The following UNC80 variants were observed in gnomAD, a reference collection of about 807,000 sequenced individuals.
UNC80 encodes the protein protein unc-80 homolog.
A neutral mutation model predicts 384.6 loss-of-function variants in UNC80; 164 were observed. The ratio of observed to expected loss-of-function variants is 0.43; its 90% CI spans 0.38 to 0.49. UNC80 has a LOEUF of 0.49. Ranked by LOEUF, UNC80 falls within the 20% of genes least tolerant of loss-of-function variation. The probability of loss-of-function intolerance (pLI) is 0.00; values close to 1 mark genes in which losing one functional copy is unlikely to be tolerated. For missense variants in UNC80, 3,330 were observed against 4,143.0 expected, an observed-to-expected ratio of 0.80 and a Z score of 5.39; for synonymous variants, 1,486 against 1,527.8, an observed-to-expected ratio of 0.97 and a Z score of 0.64.
chr2:209,786,692 C>T (rs191095931), intron 5 of UNC80, among the ~76,000 whole-genome samples: 130 of 152,202 alleles, frequency 8.5e-4, no homozygotes, highest in African/African-American at 3.0e-3. Context: ...AAGAACACAA[C>T]ATCATAGATT....
chr2:209,944,725 A>G (rs938431422), intron 45 of UNC80, among the ~76,000 whole-genome samples: 4 of 152,178 alleles, frequency 2.6e-5, no homozygotes, highest in African/African-American at 7.2e-5. Flanking sequence ...CAACCAATCA[A>G]TTATAGAAAT....
chr2:209,815,843 C>T (rs548097115), intron 9 of UNC80, among the ~76,000 whole-genome samples: 86 of 152,190 alleles, frequency 5.7e-4, no homozygotes, highest in African/African-American at 2.0e-3. Flanking sequence ...AGATTGAGTC[C>T]AAACTCAAAA....
chr2:209,848,943 C>T (rs1391767967), intron 21 of UNC80, among the ~76,000 whole-genome samples: 1 of 152,040 alleles, frequency 6.6e-6, no homozygotes, highest in Non-Finnish European at 1.5e-5. Context: ...CTCCAGTAGC[C>T]AGTGATTCTT....
chr2:209,841,577 C>T (rs1476875349), intron 20 of UNC80, among the ~76,000 whole-genome samples: 1 of 152,076 alleles, frequency 6.6e-6, no homozygotes, highest in Non-Finnish European at 1.5e-5. Context: ...GTCTCGATCT[C>T]TTGATCTCGT....
Position 209,922,510 on chromosome 2 carries a change from TAA to T in UNC80, c.5662+134_5662+135del, listed in dbSNP as rs979224209. On this transcript the variant is annotated intron_variant, in intron 35 of 64. Coordinates refer to ENST00000673920, the MANE Select transcript of UNC80 (RefSeq NM_001371986.1). ...TAACTTGTCTCATGACTTGACATTC[TAA>T]AAAAAATTAGCATGGCATCCTTTAA... 7.6e-6 allele frequency: 9 copies of T among 1,182,282 alleles called. No homozygotes were observed. In the South Asian group the frequency reaches 1.7e-4, roughly 22 times the overall value. The allele number at this position is 1,182,282 out of a possible 1,614,324, so 73.2% of individuals were successfully genotyped here.
chr2:209,943,368 A>G lies in UNC80; in HGVS notation c.6916-12A>G. 1 of 1,551,020 alleles carries G rather than the reference A, an allele frequency of 6.4e-7. No individual in the cohort carries two copies. Among genetic ancestry groups the G allele is most frequent in the Non-Finnish European group, 8.7e-7 (1 of 1,146,650 alleles). On this transcript the variant is annotated splice_polypyrimidine_tract_variant and intron_variant, in intron 44 of 64. Transcript: ENST00000673920. ...TTAAGGCATTTTTTGAATATCTGGC[A>G]TTTTTCCATAGGTGTACTCCGACTA...
At chr2:209,849,721 T>G in intron 22 of UNC80, 98 bp downstream of exon 22, 1 of 1,288,150 alleles carries the variant, frequency 7.8e-7, no homozygotes, top group Non-Finnish European at 1.0e-6. Context: ...CTCCTGTGTT[T>G]GTTTGTTTGC....
Position 209,826,212 on chromosome 2 carries a change from C to T in UNC80, c.2478+159C>T, listed in dbSNP as rs534803668. ...GTGTGAGGAGATTCTCATGAGATAT[C>T]TCAAGCCATCTAAAACCCAGGCTTA... On this transcript the variant is annotated intron_variant, in intron 14 of 64. Transcript: ENST00000673920. 3.9e-5 allele frequency among the ~76,000 whole-genome samples: 6 copies of T among 152,296 alleles called. No individual in the cohort carries two copies. In the East Asian group the frequency reaches 1.2e-3, roughly 29 times the overall value.
At chr2:209,868,954 G>A (rs1330917570) in intron 22 of UNC80, among the ~76,000 whole-genome samples, 3 of 152,040 alleles carry the variant, frequency 2.0e-5, no homozygotes, top group Non-Finnish European at 4.4e-5. Flanking sequence ...AAGGGATCTG[G>A]GCAGACATGT....
intron 5 of UNC80, among the ~76,000 whole-genome samples, chr2:209,789,093 G>C (rs2077636564): frequency 6.6e-6 from 1 of 152,154 alleles, no homozygotes; most frequent in Non-Finnish European, 1.5e-5. Context: ...TAGATGTGTA[G>C]GTGGCCATAC....
At chr2:209,878,210 C>T in intron 24 of UNC80, 121 bp downstream of exon 24, 2 of 1,050,722 alleles carry the variant, frequency 1.9e-6, no homozygotes, top group Non-Finnish European at 2.5e-6. Flanking sequence ...TCCACTGCTC[C>T]TTCTCCCCTT....
chr2:209,776,380 G>A (rs957222764), intron 3 of UNC80, among the ~76,000 whole-genome samples: 3 of 152,244 alleles, frequency 2.0e-5, no homozygotes, highest in African/African-American at 4.8e-5. Context: ...TCGGGAGTTC[G>A]AGACCAGACT....
chr2:209,794,348 A>G (rs2078021046), intron 7 of UNC80, among the ~76,000 whole-genome samples: 1 of 152,170 alleles, frequency 6.6e-6, no homozygotes, highest in Non-Finnish European at 1.5e-5. Flanking sequence ...AACAAGAAAT[A>G]GTCTATTTCT....
At chr2:209,858,960 A>G (rs898190914) in intron 22 of UNC80, among the ~76,000 whole-genome samples, 4 of 152,224 alleles carry the variant, frequency 2.6e-5, no homozygotes, top group African/African-American at 9.6e-5. Context: ...TCACATTTTA[A>G]AAGTTATTTT....
At chr2:209,915,404 CAAAAAAA>C (rs5838189) in intron 31 of UNC80, among the ~76,000 whole-genome samples, 1 of 76,992 alleles carries the variant, frequency 1.3e-5, no homozygotes, top group Non-Finnish European at 2.6e-5. Context: ...GACTCTGTCT[CAAAAAAA>C]AAAAAAAAAA....
At chr2:209,909,835 A>C (rs1024838293) in intron 29 of UNC80, among the ~76,000 whole-genome samples, 1 of 152,044 alleles carries the variant, frequency 6.6e-6, no homozygotes, top group Non-Finnish European at 1.5e-5. Flanking sequence ...GGGATTCCCA[A>C]GTATCCCTGA....
At chr2:209,889,631 A>G (rs2086145034) in intron 26 of UNC80, among the ~76,000 whole-genome samples, 1 of 152,038 alleles carries the variant, frequency 6.6e-6, no homozygotes, top group South Asian at 2.1e-4. Context: ...TCCTAATGCA[A>G]TCACTCCCAT....
chr2:209,951,281 A>G (rs2092167641), intron 47 of UNC80, among the ~76,000 whole-genome samples: 1 of 144,606 alleles, frequency 6.9e-6, no homozygotes, highest in Non-Finnish European at 1.5e-5. Flanking sequence ...ATTTGAATTT[A>G]ACGTGTCCTT....
At position 209,872,684 on chromosome 2, in the gene UNC80, A is replaced by T. The variant is rs2084402672; in HGVS notation, c.3628-74A>T. 7.8e-7 allele frequency: 1 copy of T among 1,288,050 alleles called. No homozygotes were observed. Among genetic ancestry groups the T allele is most frequent in the Non-Finnish European group, 1.1e-6 (1 of 910,590 alleles). 79.8% of individuals were successfully genotyped at this position (1,288,050 alleles called of 1,614,324 possible). The stretch of plus-strand genomic sequence containing the variant: ...GGAAAATAAACTAAAAATACACAGT[A>T]ATTCCCTTTAAGACCAATTTAAAGT... On this transcript the variant is annotated intron_variant, in intron 22 of 64. Coordinates refer to ENST00000673920, the MANE Select transcript of UNC80 (RefSeq NM_001371986.1). The surrounding 1 kb of genome is among the most constrained non-coding windows in gnomAD (Gnocchi z 4.1).
Sources: gnomAD v4.1 joint callset for allele counts (sites outside exome capture counted in the v4.1 genomes callset) on GRCh38, gnomAD v4.1.1 for gene constraint, Gnocchi (gnomAD v3.1) non-coding constraint, MANE v1.5 for transcripts, NCBI Gene and HGNC (gene_info 2026-07-23, HGNC 2026-07-21) for gene names.